The following SLC44A5 variants were observed in gnomAD, a reference collection of about 807,000 sequenced individuals.
The protein encoded by SLC44A5 is choline transporter-like protein 5.
In SLC44A5, 57 loss-of-function variants were observed where a neutral mutation model predicts 101.8. That is an observed-to-expected ratio of 0.56 (90% confidence interval 0.45 to 0.70). The LOEUF (loss-of-function observed/expected upper bound fraction) is 0.70. Ranked by LOEUF, SLC44A5 falls within the 30% of genes least tolerant of loss-of-function variation. SLC44A5 has a pLI of 0.00. For missense variants in SLC44A5, 737 were observed against 853.1 expected, an observed-to-expected ratio of 0.86 and a Z score of 1.70; for synonymous variants, 281 against 290.9, an observed-to-expected ratio of 0.97 and a Z score of 0.35.
intron 2 of SLC44A5, among the ~76,000 whole-genome samples, chr1:75,457,108 A>G (rs1019851295): frequency 6.6e-6 from 1 of 152,232 alleles, no homozygotes; most frequent in Non-Finnish European, 1.5e-5. Flanking sequence ...AATACTATGT[A>G]GGTAAGCATA....
intron 6 of SLC44A5, among the ~76,000 whole-genome samples, chr1:75,264,067 C>T (rs1211026089): frequency 2.7e-5 from 4 of 149,472 alleles, no homozygotes; most frequent in African/African-American, 9.9e-5. Flanking sequence ...CACCATGGCA[C>T]GTGTATACCT....
intron 2 of SLC44A5, among the ~76,000 whole-genome samples, chr1:75,528,328 A>G (rs1433986015): frequency 6.6e-6 from 1 of 152,216 alleles, no homozygotes; most frequent in Non-Finnish European, 1.5e-5. Context: ...AATATTCAGG[A>G]AGCAAAAAAT....
intron 2 of SLC44A5, among the ~76,000 whole-genome samples, chr1:75,510,235 A>G (rs2101867610): frequency 6.6e-6 from 1 of 152,266 alleles, no homozygotes; most frequent in African/African-American, 2.4e-5. Flanking sequence ...GAGATGAGGG[A>G]CATCTAACGC....
At chr1:75,640,990 T>C in the SLC44A5 span, among the ~76,000 whole-genome samples, 113,886 of 151,860 alleles carry the variant, frequency 0.75, 43,038 homozygotes, top group East Asian at 0.96. Context: ...ATGTGAACTA[T>C]GACAAAATAT....
At chr1:75,290,669 G>A (rs368243117) in intron 5 of SLC44A5, among the ~76,000 whole-genome samples, 15 of 152,276 alleles carry the variant, frequency 9.9e-5, no homozygotes, top group African/African-American at 3.1e-4. Context: ...CAGAGGACAA[G>A]AGAGCCACTT....
intron 4 of SLC44A5, among the ~76,000 whole-genome samples, chr1:75,327,268 A>C (rs1000667711): frequency 1.3e-5 from 2 of 152,184 alleles, no homozygotes; most frequent in African/African-American, 4.8e-5. Context: ...TCACAGTGTG[A>C]TCTGAATTCA....
chr1:75,634,510 A>G, the SLC44A5 span, among the ~76,000 whole-genome samples: 11 of 151,308 alleles, frequency 7.3e-5, no homozygotes, highest in Non-Finnish European at 1.5e-4. Context: ...ATAACGCCGC[A>G]TATCTACAAC....
intron 6 of SLC44A5, among the ~76,000 whole-genome samples, chr1:75,260,908 A>C (rs588628): frequency 0.78 from 119,037 of 152,036 alleles, 46,944 homozygotes; most frequent in East Asian, 0.95. Flanking sequence ...AGTAGACAAC[A>C]TGCTCCTGAA....
At chr1:75,372,377 A>G (rs17096803) in intron 3 of SLC44A5, among the ~76,000 whole-genome samples, 4,198 of 152,236 alleles carry the variant, frequency 0.028, 182 homozygotes, top group African/African-American at 0.089. Flanking sequence ...TTGAGAGGAA[A>G]AAATAAAGAG....
rs78428195 is a variant in SLC44A5 at position 75,420,893 on chromosome 1, C to A, written c.14-24272G>T. Among the ~76,000 whole-genome samples the A allele has an allele frequency of 4.4e-3, 672 of 152,094 alleles. 6 individuals carry two copies. The highest frequency in any genetic ancestry group is 0.016 in the African/African-American group (652 of 41,518). On this transcript the variant is annotated intron_variant, in intron 2 of 23. Transcript: ENST00000370859. ...AAGAGTATCTCTCAAAATACCAAGG[C>A]CTTAGAAGTTTCTTTCCTGATACTT...
the SLC44A5 span, among the ~76,000 whole-genome samples, chr1:75,711,532 AATATTTCAGCTC>A: frequency 6.3e-3 from 958 of 152,348 alleles, 5 homozygotes; most frequent in Admixed American, 9.3e-3. Flanking sequence ...GCTTCAGCAC[AATATTTCAGCTC>A]ATGGCTAATA....
At chr1:75,272,403 A>AT (rs201889496) in intron 6 of SLC44A5, among the ~76,000 whole-genome samples, 6,369 of 135,554 alleles carry the variant, frequency 0.047, 139 homozygotes, top group South Asian at 0.079. Context: ...GTTTGCTTTT[A>AT]TTTTTTTTTT....
chr1:75,507,746 C>A (rs1669349252), intron 2 of SLC44A5, among the ~76,000 whole-genome samples: 1 of 152,054 alleles, frequency 6.6e-6, no homozygotes, highest in Admixed American at 6.6e-5. Context: ...TTGGTTTGTT[C>A]AAGGTATCAC....
intron 1 of SLC44A5, among the ~76,000 whole-genome samples, chr1:75,594,184 C>A (rs1246162821): frequency 6.6e-6 from 1 of 151,894 alleles, no homozygotes; most frequent in African/African-American, 2.4e-5. Flanking sequence ...GAGACTATCT[C>A]CAGTTGCGTC....
intron 2 of SLC44A5, among the ~76,000 whole-genome samples, chr1:75,426,505 T>A (rs544601371): frequency 6.6e-6 from 1 of 152,336 alleles, no homozygotes; most frequent in African/African-American, 2.4e-5. Flanking sequence ...AACAAGGATA[T>A]GGTTTCCCGA....
chr1:75,417,062 T>C (rs1185863815), intron 2 of SLC44A5, among the ~76,000 whole-genome samples: 1 of 152,154 alleles, frequency 6.6e-6, no homozygotes, highest in African/African-American at 2.4e-5. Flanking sequence ...AATGTGAAGC[T>C]ACGAGATTTG....
chr1:75,406,365 G>C (rs979044315), intron 2 of SLC44A5, among the ~76,000 whole-genome samples: 1 of 152,102 alleles, frequency 6.6e-6, no homozygotes, highest in Non-Finnish European at 1.5e-5. Context: ...CATTTTATGA[G>C]ACCAGCATCA....
chr1:75,671,129 T>C, the SLC44A5 span, among the ~76,000 whole-genome samples: 1 of 152,258 alleles, frequency 6.6e-6, no homozygotes, highest in East Asian at 1.9e-4. Flanking sequence ...AGTGGTTTGT[T>C]TGAATAACTT....
chr1:75,227,814 G>A lies in SLC44A5; in HGVS notation c.897C>T (p.Arg299=), dbSNP rs1647249061. 1.2e-6 allele frequency: 2 copies of A among 1,600,236 alleles called. No homozygotes were observed. Among genetic ancestry groups the A allele is most frequent in the Non-Finnish European group, 1.7e-6 (2 of 1,176,252 alleles). Residue 299 remains arginine, a synonymous_variant, in exon 13 of 24, where the codon CGC becomes CGT. Transcript: ENST00000370859. ...CYQQYTNLQE[R]PSSVLTIYDI... The stretch of plus-strand genomic sequence containing the variant: ...CATAGATAGTTAATACAGAACTTGG[G>A]CGTTCCTGAAGATTGGTGTACTGCT...
Sources: allele counts gnomAD v4.1 joint callset (sites outside exome capture counted in the v4.1 genomes callset), GRCh38; gene constraint gnomAD v4.1.1; transcripts MANE v1.5; gene names NCBI Gene and HGNC (gene_info 2026-07-23, HGNC 2026-07-21).